The following TMEM45A variants were observed in gnomAD, a reference collection of about 807,000 sequenced individuals.
TMEM45A encodes the protein DNA polymerase-transactivated protein 4.
In TMEM45A, 25 loss-of-function variants were observed where a neutral mutation model predicts 32.0. The observed-to-expected ratio is 0.78, with a 90% CI of 0.57 to 1.09. TMEM45A has a LOEUF of 1.09. TMEM45A is among the 50% of genes least tolerant of loss of function. TMEM45A has a pLI of 0.00. For missense variants in TMEM45A, 302 were observed against 325.0 expected (o/e 0.93, Z 0.54); for synonymous variants, 122 against 114.8 (o/e 1.06, Z -0.40).
At chr3:100,545,975 G>A (rs1297761174) in intron 1 of TMEM45A, among the ~76,000 whole-genome samples, 1 of 152,142 alleles carries the variant, frequency 6.6e-6, no homozygotes, top group African/African-American at 2.4e-5. Context: ...TATTCTGGTG[G>A]ACTCAGTCTA....
chr3:100,533,210 C>T (rs201926826), intron 1 of TMEM45A, among the ~76,000 whole-genome samples: 2 of 151,730 alleles, frequency 1.3e-5, no homozygotes, highest in East Asian at 3.9e-4. Context: ...GTTTCAATTT[C>T]AGTTGACTAG....
chr3:100,574,252 G>C (rs2148999037), intron 5 of TMEM45A: 1 of 152,126 alleles, frequency 6.6e-6, no homozygotes, highest in South Asian at 2.1e-4. Context: ...TAGACTGCTA[G>C]CAAGACTAAT....
chr3:100,522,762 A>G (rs1020319659), intron 1 of TMEM45A, among the ~76,000 whole-genome samples: 13 of 152,222 alleles, frequency 8.5e-5, no homozygotes, highest in African/African-American at 2.4e-4. Flanking sequence ...GCACACAGGT[A>G]TGCTACAGCT....
chr3:100,533,141 G>A (rs1351355454), intron 1 of TMEM45A, among the ~76,000 whole-genome samples: 1 of 151,972 alleles, frequency 6.6e-6, no homozygotes. Flanking sequence ...CCTTCACTTA[G>A]CGATGCAGTT....
At chr3:100,495,854 G>T (rs1481848184) in intron 1 of TMEM45A, among the ~76,000 whole-genome samples, 21 of 152,154 alleles carry the variant, frequency 1.4e-4, no homozygotes, top group African/African-American at 5.1e-4. Context: ...TCTTTGACAT[G>T]GATGTGATTG....
chr3:100,555,411 C>T lies in TMEM45A; in HGVS notation c.190+10C>T. On this transcript the variant is annotated intron_variant, in intron 2 of 5. Coordinates refer to ENST00000323523, the MANE Select transcript of TMEM45A (RefSeq NM_018004.3). ...GGCATGGCTTTAACTGGTGAGTGGA[C>T]CATTCTGTGTTCTATTTTTACCTTT... The T allele has an allele frequency of 6.2e-7, 1 of 1,608,360 alleles. No individual in the cohort carries two copies. Among genetic ancestry groups the T allele is most frequent in the South Asian group, 1.1e-5 (1 of 90,246 alleles).
At chr3:100,575,804 C>CT (rs1486248931) in intron 5 of TMEM45A, among the ~76,000 whole-genome samples, 1 of 152,224 alleles carries the variant, frequency 6.6e-6, no homozygotes, top group Non-Finnish European at 1.5e-5. Flanking sequence ...CTGGAAGGGG[C>CT]TAGTAGCAGG....
chr3:100,523,071 G>A (rs2148949242), intron 1 of TMEM45A, among the ~76,000 whole-genome samples: 1 of 152,312 alleles, frequency 6.6e-6, no homozygotes, highest in Admixed American at 6.5e-5. Context: ...GCTTAGCACT[G>A]CTTCTTTCCA....
chr3:100,504,786 T>A (rs1708057133), intron 1 of TMEM45A, among the ~76,000 whole-genome samples: 1 of 152,260 alleles, frequency 6.6e-6, no homozygotes, highest in Non-Finnish European at 1.5e-5. Context: ...TCTATCACTT[T>A]CTTTCCAGCA....
intron 5 of TMEM45A, among the ~76,000 whole-genome samples, chr3:100,576,473 A>G (rs527527545): frequency 9.9e-5 from 15 of 151,964 alleles, no homozygotes; most frequent in African/African-American, 3.6e-4. Flanking sequence ...AATAATAATT[A>G]GCTGGGTGTG....
intron 1 of TMEM45A, among the ~76,000 whole-genome samples, chr3:100,531,558 G>A (rs1705648411): frequency 6.6e-6 from 1 of 152,192 alleles, no homozygotes; most frequent in South Asian, 2.1e-4. Flanking sequence ...TCACTTTTCA[G>A]TGGCTATTAG....
At chr3:100,494,671 G>T (rs902972761) in intron 1 of TMEM45A, among the ~76,000 whole-genome samples, 1 of 152,020 alleles carries the variant, frequency 6.6e-6, no homozygotes, top group South Asian at 2.1e-4. Context: ...GATTCAGAAA[G>T]GTAATGCATA....
intron 4 of TMEM45A, among the ~76,000 whole-genome samples, chr3:100,566,562 T>C (rs1270172979): frequency 6.6e-6 from 1 of 152,180 alleles, no homozygotes. Flanking sequence ...CTCATTTTCA[T>C]GTATTATTAT....
At chr3:100,540,218 T>A (rs746126711) in intron 1 of TMEM45A, among the ~76,000 whole-genome samples, 2 of 152,144 alleles carry the variant, frequency 1.3e-5, no homozygotes. Flanking sequence ...AGATTCATTG[T>A]TTGAATATTA....
chr3:100,549,546 G>A (rs953070138), intron 1 of TMEM45A, among the ~76,000 whole-genome samples: 21 of 152,218 alleles, frequency 1.4e-4, no homozygotes, highest in Non-Finnish European at 2.8e-4. Flanking sequence ...TGTTTGGACA[G>A]GGAGGCTGGA....
intron 1 of TMEM45A, among the ~76,000 whole-genome samples, chr3:100,513,502 A>G (rs1471220527): frequency 1.3e-5 from 2 of 150,680 alleles, no homozygotes; most frequent in Non-Finnish European, 2.9e-5. Flanking sequence ...ATCTATGACA[A>G]ACCCACAGCC....
At chr3:100,514,554 A>G (rs1327639383) in intron 1 of TMEM45A, among the ~76,000 whole-genome samples, 2 of 152,080 alleles carry the variant, frequency 1.3e-5, no homozygotes, top group Middle Eastern at 3.4e-3. Flanking sequence ...ACCATTCAGG[A>G]CATAGGCATG....
At chr3:100,541,449 T>C (rs1228396176) in intron 1 of TMEM45A, among the ~76,000 whole-genome samples, 1 of 152,120 alleles carries the variant, frequency 6.6e-6, no homozygotes, top group Non-Finnish European at 1.5e-5. Context: ...CTAGGATTCT[T>C]ATAGTTTAAG....
intron 1 of TMEM45A, among the ~76,000 whole-genome samples, chr3:100,504,439 C>G (rs1035729344): frequency 6.6e-6 from 1 of 152,134 alleles, no homozygotes; most frequent in Non-Finnish European, 1.5e-5. Flanking sequence ...ATTCTTTCCC[C>G]GTATAACCTA....
Sources: allele counts gnomAD v4.1 joint callset (sites outside exome capture counted in the v4.1 genomes callset), GRCh38; gene constraint gnomAD v4.1.1; transcripts MANE v1.5; gene names NCBI Gene and HGNC (gene_info 2026-07-23, HGNC 2026-07-21).